Variants in CEP192 observed in about 807,000 individuals in gnomAD.
The protein encoded by CEP192 is centrosomal protein 192, also known as centrosomal protein of 192 kDa.
Under a neutral mutation model 271.8 loss-of-function variants are expected in CEP192, and 151 were observed. The observed-to-expected ratio is 0.56, with a 90% confidence interval of 0.49 to 0.64. CEP192 has a LOEUF of 0.64. Among genes scored for constraint, CEP192 ranks in the 30% least tolerant of loss-of-function variants. The pLI is 0.00. For synonymous variants in CEP192, 995 were observed against 1,076.5 expected (o/e 0.92, Z 1.48); for missense variants, 2,910 against 3,020.5 (o/e 0.96, Z 0.86).
In CEP192 at chr18:13,048,898, G is replaced by A; in HGVS notation, c.2107G>A (p.Asp703Asn). The A allele has an allele frequency of 6.2e-7, 1 of 1,609,216 alleles. No homozygotes were observed. The highest frequency in any genetic ancestry group is 8.5e-7 in the Non-Finnish European group (1 of 1,177,008). ...GAGCAACAAACCCCAAAGATACAAA[G>A]ACAAGCTACCAGATAGTGGTGATTC... is the stretch of plus-strand genomic sequence containing the variant. ...FMSNKPQRYK[D>N]KLPDSGDSML... Residue 703 changes from aspartate to asparagine, a missense_variant, in exon 16 of 45, where the codon GAC becomes AAC. By Grantham distance (23) the Asp-to-Asn change is conservative (BLOSUM62 1). Transcript: ENST00000506447.
In CEP192 at chr18:13,048,850, C is replaced by T. The variant is rs767517414; in HGVS notation, c.2068-9C>T. 1.1e-4 allele frequency: 165 copies of T among 1,536,904 alleles called. No individual in the cohort carries two copies. The East Asian group carries it at 3.7e-3, about 35-fold the overall frequency. ...AAATTTATCTGATGTTTAATTTTCT[C>T]ACTTCTAGGACACTTTCTTCATGAG... On this transcript the variant is annotated splice_polypyrimidine_tract_variant and intron_variant, in intron 15 of 44. Coordinates refer to ENST00000506447, the MANE Select transcript of CEP192 (RefSeq NM_032142.4).
At chr18:13,067,050 T>C (rs144049956) in intron 21 of CEP192, among the ~76,000 whole-genome samples, 1 of 152,214 alleles carries the variant, frequency 6.6e-6, no homozygotes, top group East Asian at 1.9e-4. Flanking sequence ...CATTCTTGTG[T>C]TTTACTAACC....
At chr18:13,058,703 T>G (rs2037246082) in intron 20 of CEP192, 1 of 195,686 alleles carries the variant, frequency 5.1e-6, no homozygotes, top group Non-Finnish European at 1.1e-5. Context: ...CTGTGGGACC[T>G]CAGCGGTTAG....
At chr18:13,021,316 C>T (rs2034980757) in intron 9 of CEP192, among the ~76,000 whole-genome samples, 1 of 152,208 alleles carries the variant, frequency 6.6e-6, no homozygotes, top group Non-Finnish European at 1.5e-5. Flanking sequence ...GTCTAACTAA[C>T]ATCATTCTTT....
chr18:13,025,061 T>C (rs1164632556), intron 9 of CEP192, among the ~76,000 whole-genome samples: 4 of 152,166 alleles, frequency 2.6e-5, no homozygotes, highest in Non-Finnish European at 4.4e-5. Flanking sequence ...CGTGACCCAC[T>C]GCACCCAGCC....
chr18:13,002,405 C>T (rs2033710960), intron 3 of CEP192, among the ~76,000 whole-genome samples: 1 of 151,934 alleles, frequency 6.6e-6, no homozygotes, highest in Non-Finnish European at 1.5e-5. Context: ...AATGACTATA[C>T]TCAGGTCTGT....
chr18:13,076,290 T>C (rs2038272791), intron 30 of CEP192, among the ~76,000 whole-genome samples: 1 of 152,228 alleles, frequency 6.6e-6, no homozygotes, highest in African/African-American at 2.4e-5. Flanking sequence ...TGCAGTGGCA[T>C]CTCGGCTCAC....
chr18:13,030,509 A>G lies in CEP192; in HGVS notation c.1435A>G (p.Arg479Gly). The change falls in exon 11 of 45, where the codon AGG becomes GGG. Residue 479 changes from arginine (R) to glycine (G), a missense_variant. Physicochemically the swap from Arg to Gly is moderately radical, Grantham distance 125. Transcript: ENST00000506447. ...QSVVYQNEEG[R>G]WVTDLAYYTS... is the part of the protein sequence containing the mutation. ...TGTGGTCTATCAAAATGAAGAGGGTAGGTGGGTCACAGACCTTGCCTATTA... is the reference window on the plus strand; with the variant it reads ...TGTGGTCTATCAAAATGAAGAGGGTGGGTGGGTCACAGACCTTGCCTATTA... The G allele has an allele frequency of 6.2e-7, 1 of 1,612,722 alleles. No individual in the cohort carries two copies. The highest frequency in any genetic ancestry group is 1.1e-5 in the South Asian group (1 of 90,968).
chr18:13,064,946 C>A (rs1470673697), intron 21 of CEP192, among the ~76,000 whole-genome samples: 1 of 152,024 alleles, frequency 6.6e-6, no homozygotes, highest in Non-Finnish European at 1.5e-5. Context: ...GTGTCCTCTT[C>A]AATTTTCTTC....
chr18:13,099,193 G>GGGGAGAGGGAGA (rs957096589), intron 36 of CEP192, among the ~76,000 whole-genome samples: 3 of 149,550 alleles, frequency 2.0e-5, no homozygotes, highest in Non-Finnish European at 4.4e-5. Context: ...GGAGGGGGAG[G>GGGGAGAGGGAGA]GGGAGAGGGA....
chr18:13,037,429 G>C (rs1016087644), intron 12 of CEP192, 128 bp downstream of exon 12: 2 of 492,494 alleles, frequency 4.1e-6, no homozygotes, highest in African/African-American at 2.0e-5. Flanking sequence ...CTTATGGCTA[G>C]ACAACTTCTG....
intron 1 of CEP192, among the ~76,000 whole-genome samples, chr18:12,993,809 G>A (rs1255350734): frequency 6.6e-6 from 1 of 152,044 alleles, no homozygotes; most frequent in East Asian, 1.9e-4. Context: ...TTTGACATGG[G>A]GATTAGAAAA....
intron 15 of CEP192, 135 bp downstream of exon 15, chr18:13,042,469 G>A (rs1371116569): frequency 8.9e-6 from 8 of 896,150 alleles, no homozygotes; most frequent in African/African-American, 5.1e-5. Context: ...TCTTGCAAGT[G>A]TCCTTTAAAT....
At chr18:13,071,586 T>G (rs1281397748) in intron 28 of CEP192, among the ~76,000 whole-genome samples, 1 of 152,216 alleles carries the variant, frequency 6.6e-6, no homozygotes, top group East Asian at 1.9e-4. Context: ...CCACATAGTT[T>G]TAGCAAAACC....
At chr18:13,119,805 A>T (rs1341209605) in intron 44 of CEP192, among the ~76,000 whole-genome samples, 1 of 152,244 alleles carries the variant, frequency 6.6e-6, no homozygotes, top group African/African-American at 2.4e-5. Flanking sequence ...ATTTAAAAAA[A>T]TTATCTTGAA....
intron 13 of CEP192, 39 bp downstream of exon 13, chr18:13,038,618 G>T: frequency 3.5e-6 from 5 of 1,432,700 alleles, no homozygotes; most frequent in Non-Finnish European, 4.8e-6. Context: ...ACAGTCACCA[G>T]ATTTTAGATT....
chr18:13,107,519 GC>G (rs1568429858), intron 40 of CEP192, among the ~76,000 whole-genome samples: 4 of 152,154 alleles, frequency 2.6e-5, no homozygotes, highest in Non-Finnish European at 2.9e-5. Context: ...GTTTTCATTA[GC>G]TCCAAACTAT....
chr18:13,075,602 C>G (rs1186088990), intron 30 of CEP192, among the ~76,000 whole-genome samples: 1 of 152,116 alleles, frequency 6.6e-6, no homozygotes, highest in Non-Finnish European at 1.5e-5. Flanking sequence ...CACCAGAAAC[C>G]GGCACCTTGA....
chr18:13,097,335 C>T (rs147063438), intron 36 of CEP192, among the ~76,000 whole-genome samples: 1 of 152,314 alleles, frequency 6.6e-6, no homozygotes, highest in African/African-American at 2.4e-5. Flanking sequence ...CCATTGTCCA[C>T]TTATAAACTC....
Sources: allele counts gnomAD v4.1 joint callset (sites outside exome capture counted in the v4.1 genomes callset), GRCh38; gene constraint gnomAD v4.1.1; transcripts MANE v1.5; gene names NCBI Gene and HGNC (gene_info 2026-07-23, HGNC 2026-07-21).